Variants in DPP8 observed in about 807,000 individuals in gnomAD.
DPP8 encodes the protein DPP VIII.
A neutral mutation model predicts 107.5 loss-of-function variants in DPP8; 31 were observed. The observed-to-expected ratio is 0.29, with a 90% CI of 0.22 to 0.39. The LOEUF (loss-of-function observed/expected upper bound fraction) is 0.39, where lower values mean the gene tolerates loss of function less well. Ranked by LOEUF, DPP8 falls within the 10% of genes least tolerant of loss-of-function variation. The probability of loss-of-function intolerance (pLI) is 1.00; values close to 1 mark genes in which losing one functional copy is unlikely to be tolerated. For synonymous variants in DPP8, 381 were observed against 356.6 expected, an observed-to-expected ratio of 1.07 and a Z score of -0.77; for missense variants, 842 against 1,076.1, an observed-to-expected ratio of 0.78 and a Z score of 3.04.
chr15:65,488,177 ACAGTT>A (rs1350166934), intron 6 of DPP8, among the ~76,000 whole-genome samples: 1 of 152,212 alleles, frequency 6.6e-6, no homozygotes, highest in Non-Finnish European at 1.5e-5. Flanking sequence ...CTACTTAAAT[ACAGTT>A]CAGTTGTTTT....
chr15:65,503,872 G>A (rs965758037), intron 3 of DPP8, among the ~76,000 whole-genome samples: 13 of 151,686 alleles, frequency 8.6e-5, no homozygotes, highest in African/African-American at 3.1e-4. Context: ...TGATCCACCC[G>A]CCTCAGCCTC....
chr15:65,471,814 A>G (rs2065923672), intron 12 of DPP8, among the ~76,000 whole-genome samples: 1 of 152,280 alleles, frequency 6.6e-6, no homozygotes, highest in East Asian at 1.9e-4. Flanking sequence ...TACTAACAAA[A>G]ACAAACCTGG....
chr15:65,469,886 T>C (rs949592322), intron 12 of DPP8, among the ~76,000 whole-genome samples: 6 of 151,510 alleles, frequency 4.0e-5, no homozygotes, highest in Admixed American at 4.0e-4. Flanking sequence ...CTTTACCCAA[T>C]TACTGCCATT....
chr15:65,487,918 T>C, intron 6 of DPP8, 100 bp from the exon 7 acceptor site: 1 of 800,068 alleles, frequency 1.2e-6, no homozygotes, highest in Non-Finnish European at 2.0e-6. Flanking sequence ...TAGTGAAGAA[T>C]AACTTATGTA....
chr15:65,465,460 G>A (rs887660394), intron 14 of DPP8, among the ~76,000 whole-genome samples: 8 of 151,654 alleles, frequency 5.3e-5, no homozygotes, highest in Non-Finnish European at 2.9e-5. Context: ...GAGCCACTAC[G>A]CCTGGCCTAA....
chr15:65,444,360 T>C lies in DPP8; in HGVS notation c.*2524A>G, dbSNP rs908823772. The C allele has an allele frequency of 6.6e-6, 1 of 152,242 alleles. No individual in the cohort carries two copies. Among genetic ancestry groups the C allele is most frequent in the Non-Finnish European group, 1.5e-5 (1 of 68,038 alleles). The allele number at this position is 152,242 out of a possible 1,614,324, so 9.4% of individuals were successfully genotyped here. On this transcript the variant is annotated 3_prime_UTR_variant, in exon 20 of 20. Coordinates refer to ENST00000300141, the MANE Select transcript of DPP8 (RefSeq NM_130434.5). ...CTGGATGGTTGTTCAAGTGTACACATTTATCAAGTCTTTAAAAACGTAGTA... is the reference window on the plus strand; with the variant it reads ...CTGGATGGTTGTTCAAGTGTACACACTTATCAAGTCTTTAAAAACGTAGTA...
At chr15:65,498,827 G>A (rs913486393) in intron 4 of DPP8, among the ~76,000 whole-genome samples, 1 of 152,096 alleles carries the variant, frequency 6.6e-6, no homozygotes, top group African/African-American at 2.4e-5. Flanking sequence ...GCTAAGGCAA[G>A]AGGATCACTT....
intron 10 of DPP8, among the ~76,000 whole-genome samples, chr15:65,479,802 C>T (rs1361331707): frequency 6.8e-6 from 1 of 146,566 alleles, no homozygotes; most frequent in Non-Finnish European, 1.5e-5. Context: ...CGAGATTGCA[C>T]CACTGCAGTC....
chr15:65,513,957 G>C (rs1200163930), intron 1 of DPP8, among the ~76,000 whole-genome samples: 1 of 152,120 alleles, frequency 6.6e-6, no homozygotes, highest in East Asian at 1.9e-4. Flanking sequence ...ATGTGGACTT[G>C]GGAGATAAAC....
chr15:65,501,208 C>T (rs1399991624), intron 3 of DPP8, among the ~76,000 whole-genome samples: 1 of 151,926 alleles, frequency 6.6e-6, no homozygotes, highest in East Asian at 1.9e-4. Flanking sequence ...CCTTCTAATT[C>T]ACTGAGCACA....
At chr15:65,489,325 A>G (rs1253228980) in intron 6 of DPP8, among the ~76,000 whole-genome samples, 1 of 151,990 alleles carries the variant, frequency 6.6e-6, no homozygotes, top group Non-Finnish European at 1.5e-5. Context: ...TCTAGGAGAA[A>G]AACTGGCAAA....
chr15:65,478,759 T>C (rs1161598048), intron 11 of DPP8, 121 bp downstream of exon 11: 19 of 657,734 alleles, frequency 2.9e-5, no homozygotes, highest in Admixed American at 1.5e-4. Flanking sequence ...TTAACTTACA[T>C]ATTAAGTTTA....
chr15:65,463,966 G>T, intron 14 of DPP8, 60 bp from the exon 15 acceptor site: 1 of 1,306,016 alleles, frequency 7.7e-7, no homozygotes, highest in Non-Finnish European at 1.0e-6. Context: ...GCTACAATCT[G>T]GGAACAAGAA....
chr15:65,479,576 G>A (rs1329737629), intron 10 of DPP8, among the ~76,000 whole-genome samples: 1 of 152,108 alleles, frequency 6.6e-6, no homozygotes, highest in African/African-American at 2.4e-5. Context: ...CGGGTGCGGT[G>A]GCTCACGCCT....
chr15:65,449,765 G>A (rs2063831483), intron 19 of DPP8, among the ~76,000 whole-genome samples: 1 of 152,008 alleles, frequency 6.6e-6, no homozygotes, highest in Non-Finnish European at 1.5e-5. Flanking sequence ...TACTTTAGTC[G>A]AAACAACATA....
intron 4 of DPP8, among the ~76,000 whole-genome samples, chr15:65,498,667 TTAAA>T (rs1205466028): frequency 2.6e-5 from 4 of 152,258 alleles, no homozygotes; most frequent in African/African-American, 9.6e-5. Flanking sequence ...CAATATTTTA[TTAAA>T]TATTTTAAAA....
At chr15:65,516,774 C>G (rs2071488601) in intron 1 of DPP8, 2 of 152,244 alleles carry the variant, frequency 1.3e-5, no homozygotes, top group Non-Finnish European at 2.9e-5. Context: ...GCCTAGCTAT[C>G]TCATTCTTTA....
At position 65,512,472 on chromosome 15, in the gene DPP8, C is replaced by T; in HGVS notation, c.82G>A (p.Asp28Asn). 1 of 1,614,160 alleles carries T rather than the reference C, an allele frequency of 6.2e-7. No individual in the cohort carries two copies. Among genetic ancestry groups the T allele is most frequent in the Non-Finnish European group, 8.5e-7 (1 of 1,180,022 alleles). The part of the protein sequence containing the change: ...ADCEENIESQ[D>N]RPKLEPFYVE... Reference sequence around the variant, plus strand: ...TAAAAAGGCTCCAATTTAGGCCGATCCTGTGATTCAATATTCTCCTCACAG... The same window carrying T: ...TAAAAAGGCTCCAATTTAGGCCGATTCTGTGATTCAATATTCTCCTCACAG... Residue 28 changes from aspartate to asparagine, a missense_variant, in exon 2 of 20, where the codon GAT becomes AAT. Coordinates refer to ENST00000300141, the MANE Select transcript of DPP8 (RefSeq NM_130434.5).
intron 1 of DPP8, among the ~76,000 whole-genome samples, chr15:65,513,348 G>A (rs536415062): frequency 1.3e-5 from 2 of 152,274 alleles, no homozygotes; most frequent in Non-Finnish European, 1.5e-5. Flanking sequence ...CAGTAGCTGG[G>A]ATTACAGGCA....
Sources: allele counts gnomAD v4.1 joint callset (sites outside exome capture counted in the v4.1 genomes callset), GRCh38; gene constraint gnomAD v4.1.1; transcripts MANE v1.5; gene names NCBI Gene and HGNC (gene_info 2026-07-23, HGNC 2026-07-21).